The following TBC1D4 variants were observed in gnomAD, a reference collection of about 807,000 sequenced individuals.
The protein encoded by TBC1D4 is TBC (Tre-2, BUB2, CDC16) domain-containing protein.
A neutral mutation model predicts 142.5 loss-of-function variants in TBC1D4; 121 were observed. That is an observed-to-expected ratio of 0.85 (90% CI 0.73 to 0.99). TBC1D4 has a LOEUF of 0.99. Ranked by LOEUF, TBC1D4 falls within the 50% of genes least tolerant of loss-of-function variation. The probability of loss-of-function intolerance (pLI) is 0.00; values close to 1 mark genes in which losing one functional copy is unlikely to be tolerated. For synonymous variants in TBC1D4, 630 were observed against 628.2 expected, an observed-to-expected ratio of 1.00 and a Z score of -0.04; for missense variants, 1,475 against 1,606.6, an observed-to-expected ratio of 0.92 and a Z score of 1.40.
chr13:75,330,686 T>C (rs1566386858), intron 8 of TBC1D4, among the ~76,000 whole-genome samples: 2 of 152,322 alleles, frequency 1.3e-5, no homozygotes, highest in African/African-American at 2.4e-5. Flanking sequence ...TAAAGCTCTG[T>C]GAAAAAGAGA....
chr13:75,287,777 CTG>C (rs1319965783), intron 20 of TBC1D4, among the ~76,000 whole-genome samples: 1 of 152,170 alleles, frequency 6.6e-6, no homozygotes, highest in East Asian at 1.9e-4. Context: ...CATTTCTAAC[CTG>C]TCTCTCTTGA....
intron 1 of TBC1D4, among the ~76,000 whole-genome samples, chr13:75,410,124 T>TG: frequency 6.6e-6 from 1 of 152,322 alleles, no homozygotes; most frequent in South Asian, 2.1e-4. Context: ...TGTACGTAAA[T>TG]AACGGTGTAT....
intron 1 of TBC1D4, among the ~76,000 whole-genome samples, chr13:75,397,544 G>A (rs756346821): frequency 1.3e-5 from 2 of 152,186 alleles, no homozygotes; most frequent in South Asian, 4.1e-4. Context: ...GGCAAGGAGA[G>A]AAAAGATAAG....
intron 1 of TBC1D4, among the ~76,000 whole-genome samples, chr13:75,411,001 T>C (rs1332084002): frequency 7.6e-6 from 1 of 131,650 alleles, no homozygotes; most frequent in African/African-American, 2.9e-5. Flanking sequence ...TTAACTAATA[T>C]AAAATGTAAG....
At chr13:75,328,259 A>T (rs1879443590) in intron 8 of TBC1D4, among the ~76,000 whole-genome samples, 1 of 152,236 alleles carries the variant, frequency 6.6e-6, no homozygotes, top group African/African-American at 2.4e-5. Flanking sequence ...AACATCAGTT[A>T]AAAACCACAT....
chr13:75,440,962 T>A (rs1416669230), intron 1 of TBC1D4, among the ~76,000 whole-genome samples: 7 of 152,000 alleles, frequency 4.6e-5, no homozygotes, highest in Non-Finnish European at 5.9e-5. Context: ...GTGATTTTTT[T>A]AAAAAAGAGG....
chr13:75,383,215 C>T (rs567179688), intron 1 of TBC1D4, among the ~76,000 whole-genome samples: 2 of 152,140 alleles, frequency 1.3e-5, no homozygotes, highest in Admixed American at 6.5e-5. Flanking sequence ...CCCAGCTACT[C>T]GGGAGGCTGA....
intron 1 of TBC1D4, among the ~76,000 whole-genome samples, chr13:75,384,417 C>T (rs1038409958): frequency 1.3e-5 from 2 of 152,060 alleles, no homozygotes; most frequent in African/African-American, 2.4e-5. Flanking sequence ...GGCGACAGAG[C>T]GAGACTCCAT....
Position 75,421,176 on chromosome 13 carries a change from A to G in TBC1D4, c.499-58569T>C, listed in dbSNP as rs117720918. On this transcript the variant is annotated intron_variant, in intron 1 of 20. Transcript: ENST00000377636. ...AGGGTGGCATCCCCACTGCTCAGGT[A>G]TCTGAGGTACTTCTCACTCACTGTG... Among the ~76,000 whole-genome samples the G allele has an allele frequency of 6.3e-3, 965 of 152,348 alleles. 2 individuals carry two copies. Among genetic ancestry groups the G allele is most frequent in the Middle Eastern group, 0.048 (14 of 294 alleles).
At position 75,286,780 on chromosome 13, in the gene TBC1D4, G is replaced by C; in HGVS notation, c.*12C>G. 1 of 1,611,686 alleles carries C rather than the reference G, an allele frequency of 6.2e-7. No homozygotes were observed. The highest frequency in any genetic ancestry group is 1.1e-5 in the South Asian group (1 of 90,900). ...CTAAGGAGCACTTTCTGCTGAGGCC[G>C]TGCCTCTTCAATTATGGCTTATTTC... On this transcript the variant is annotated 3_prime_UTR_variant, in exon 21 of 21. Coordinates refer to ENST00000377636, the MANE Select transcript of TBC1D4 (RefSeq NM_014832.5).
At chr13:75,344,115 C>T (rs1021349272) in intron 5 of TBC1D4, among the ~76,000 whole-genome samples, 3 of 152,158 alleles carry the variant, frequency 2.0e-5, no homozygotes, top group Non-Finnish European at 2.9e-5. Flanking sequence ...TCCCAAAGTG[C>T]TGGGATTACA....
In TBC1D4 at chr13:75,356,365, C is replaced by T. The variant is rs938694707; in HGVS notation, c.1171-114G>A. 6.4e-6 allele frequency: 5 copies of T among 782,278 alleles called. No homozygotes were observed. The African/African-American group carries it at 8.5e-5, about 13-fold the overall frequency. The allele number at this position is 782,278 out of a possible 1,614,324, so 48.5% of individuals were successfully genotyped here. ...TTCACAGTTCTACGAATTTCTCCTTCACAGCAATGAAGGGGGGACATAATG... is the reference window on the plus strand; with the variant it reads ...TTCACAGTTCTACGAATTTCTCCTTTACAGCAATGAAGGGGGGACATAATG... On this transcript the variant is annotated intron_variant, in intron 3 of 20. Transcript: ENST00000377636.
intron 1 of TBC1D4, among the ~76,000 whole-genome samples, chr13:75,460,290 G>A (rs2138278244): frequency 6.6e-6 from 1 of 152,260 alleles, no homozygotes; most frequent in Middle Eastern, 3.4e-3. Flanking sequence ...AAAATACTCT[G>A]TAACTGCCTC....
At chr13:75,388,471 T>C (rs1311646246) in intron 1 of TBC1D4, among the ~76,000 whole-genome samples, 1 of 152,154 alleles carries the variant, frequency 6.6e-6, no homozygotes, top group Non-Finnish European at 1.5e-5. Flanking sequence ...ACTGAATAAA[T>C]TCTACTGATT....
At chr13:75,323,479 T>C (rs1169613748) in intron 11 of TBC1D4, among the ~76,000 whole-genome samples, 3 of 152,168 alleles carry the variant, frequency 2.0e-5, no homozygotes, top group African/African-American at 7.2e-5. Flanking sequence ...TATTATTGCA[T>C]GTATAATTTT....
intron 1 of TBC1D4, among the ~76,000 whole-genome samples, chr13:75,445,984 TTC>T (rs1887268344): frequency 6.6e-6 from 1 of 152,206 alleles, no homozygotes; most frequent in East Asian, 1.9e-4. Flanking sequence ...TGAAAAAAAA[TTC>T]TCTGAGCTCC....
chr13:75,451,679 C>CA (rs1009980685), intron 1 of TBC1D4, among the ~76,000 whole-genome samples: 26 of 147,188 alleles, frequency 1.8e-4, no homozygotes, highest in Middle Eastern at 3.5e-3. Flanking sequence ...GTTCCTATCT[C>CA]AAAAAAAAAC....
At chr13:75,366,427 C>G (rs1433604675) in intron 1 of TBC1D4, among the ~76,000 whole-genome samples, 1 of 140,646 alleles carries the variant, frequency 7.1e-6, no homozygotes, top group Admixed American at 7.2e-5. Context: ...AATATAAAGG[C>G]AGGATAATGT....
chr13:75,309,194 T>G (rs1170596054), intron 14 of TBC1D4, among the ~76,000 whole-genome samples: 2 of 152,182 alleles, frequency 1.3e-5, no homozygotes, highest in African/African-American at 2.4e-5. Context: ...TACATTTTTT[T>G]GGATTTCTTA....
Sources: allele counts gnomAD v4.1 joint callset (sites outside exome capture counted in the v4.1 genomes callset), GRCh38; gene constraint gnomAD v4.1.1; transcripts MANE v1.5; gene names NCBI Gene and HGNC (gene_info 2026-07-23, HGNC 2026-07-21).